Variants in ZSWIM6 observed in about 807,000 individuals in gnomAD.
ZSWIM6 encodes zinc finger SWIM domain-containing protein 6.
ZSWIM6 carries 9 observed loss-of-function variants against 113.2 expected under a neutral mutation model. The observed-to-expected ratio is 0.08, with a 90% CI of 0.05 to 0.14. ZSWIM6 has a LOEUF of 0.14. Ranked by LOEUF, ZSWIM6 falls within the 10% of genes least tolerant of loss-of-function variation. ZSWIM6 has a pLI of 1.00. For missense variants in ZSWIM6, 1,162 were observed against 1,552.2 expected, an observed-to-expected ratio of 0.75 and a Z score of 4.22; for synonymous variants, 611 against 606.5, an observed-to-expected ratio of 1.01 and a Z score of -0.11.
At chr5:61,503,868 T>C (rs916398329) in intron 4 of ZSWIM6, among the ~76,000 whole-genome samples, 9 of 152,208 alleles carry the variant, frequency 5.9e-5, no homozygotes, top group African/African-American at 2.2e-4. Context: ...TATTGGCAAA[T>C]TTAAACTAAT....
At chr5:61,373,147 A>G (rs1211128915) in intron 1 of ZSWIM6, among the ~76,000 whole-genome samples, 1 of 152,092 alleles carries the variant, frequency 6.6e-6, no homozygotes, top group African/African-American at 2.4e-5. Flanking sequence ...GGGTCTTAGT[A>G]TGTTGCCCAG....
intron 1 of ZSWIM6, among the ~76,000 whole-genome samples, chr5:61,456,471 A>T (rs1436439796): frequency 6.6e-6 from 1 of 152,206 alleles, no homozygotes; most frequent in Non-Finnish European, 1.5e-5. Context: ...AAAAGAAAAC[A>T]AAAACCTTAT....
rs1337201046 is a variant in ZSWIM6 at position 61,543,999 on chromosome 5, A to G, written c.3330A>G (p.Arg1110=). The change falls in exon 14 of 14, where the codon AGA becomes AGG. Residue 1110 remains arginine, a synonymous_variant. Coordinates refer to ENST00000252744, the MANE Select transcript of ZSWIM6 (RefSeq NM_020928.2). The surrounding 1 kb of genome is among the most constrained non-coding windows in gnomAD (Gnocchi z 4.3). ...CGGTACTGTCAGACATTTTGCGCAG[A>G]TGCACTCTGACCACTCCTGGCATGG... ...CATVLSDILR[R]CTLTTPGMVG... is the part of the protein sequence containing the mutation. The G allele has an allele frequency of 7.7e-6, 12 of 1,551,906 alleles. No homozygotes were observed. The highest frequency in any genetic ancestry group is 1.0e-5 in the Non-Finnish European group (12 of 1,147,036).
chr5:61,522,802 A>G (rs957690066), intron 5 of ZSWIM6, among the ~76,000 whole-genome samples: 30 of 152,258 alleles, frequency 2.0e-4, no homozygotes, highest in Admixed American at 1.6e-3. Context: ...GGGTATGCCT[A>G]CATCTACATA....
chr5:61,412,755 G>A (rs185483126), intron 1 of ZSWIM6, among the ~76,000 whole-genome samples: 48 of 152,148 alleles, frequency 3.2e-4, no homozygotes, highest in Non-Finnish European at 6.2e-4. Context: ...AATTTAAAAT[G>A]GTTTATTGTG....
chr5:61,398,866 G>A lies in ZSWIM6; in HGVS notation c.676+65918G>A, dbSNP rs79186589. Among the ~76,000 whole-genome samples the A allele has an allele frequency of 6.5e-3, 977 of 151,148 alleles. 8 individuals are homozygous for A. The highest frequency in any genetic ancestry group is 0.02 in the African/African-American group (814 of 41,096). On this transcript the variant is annotated intron_variant, in intron 1 of 13. Coordinates refer to ENST00000252744, the MANE Select transcript of ZSWIM6 (RefSeq NM_020928.2). ...GGAAGGATGACCTTGAGCTTATGGC[G>A]GAATGGTAGGGCAGGGGGCTGAAGG... is the stretch of plus-strand genomic sequence containing the variant.
intron 1 of ZSWIM6, among the ~76,000 whole-genome samples, chr5:61,456,882 T>C (rs1231821373): frequency 1.4e-5 from 2 of 146,224 alleles, no homozygotes; most frequent in African/African-American, 2.6e-5. Context: ...TTAAACCTTA[T>C]CCAATTTCTT....
At chr5:61,362,521 T>C (rs1284730964) in intron 1 of ZSWIM6, among the ~76,000 whole-genome samples, 1 of 152,126 alleles carries the variant, frequency 6.6e-6, no homozygotes, top group Non-Finnish European at 1.5e-5. Context: ...TTACAGGTTT[T>C]CCCTGCAGTA....
intron 1 of ZSWIM6, among the ~76,000 whole-genome samples, chr5:61,350,958 ATTC>A (rs1269460926): frequency 1.3e-5 from 2 of 152,212 alleles, no homozygotes; most frequent in Admixed American, 6.5e-5. Flanking sequence ...TCCTTCATTT[ATTC>A]TTCTAGTTTT....
intron 4 of ZSWIM6, among the ~76,000 whole-genome samples, chr5:61,499,413 T>C (rs1748403261): frequency 6.6e-6 from 1 of 152,112 alleles, no homozygotes; most frequent in African/African-American, 2.4e-5. Flanking sequence ...ACAGATGTAT[T>C]AGATATTTGA....
At chr5:61,538,334 G>T (rs148484785) in intron 10 of ZSWIM6, among the ~76,000 whole-genome samples, 573 of 152,236 alleles carry the variant, frequency 3.8e-3, no homozygotes, top group Middle Eastern at 0.024. Flanking sequence ...CTTGTTTTAT[G>T]TTTAAATAGG....
intron 1 of ZSWIM6, among the ~76,000 whole-genome samples, chr5:61,343,937 A>G (rs1307463229): frequency 6.9e-6 from 1 of 145,898 alleles, no homozygotes; most frequent in East Asian, 2.0e-4. Flanking sequence ...CCCAGGCTGG[A>G]GTGCAGTGGT....
At chr5:61,413,576 T>C (rs1045620613) in intron 1 of ZSWIM6, among the ~76,000 whole-genome samples, 1 of 152,162 alleles carries the variant, frequency 6.6e-6, no homozygotes, top group Admixed American at 6.5e-5. Flanking sequence ...TTTCTAGTTC[T>C]AGATCCCTGA....
chr5:61,456,824 C>G (rs1747213670), intron 1 of ZSWIM6, among the ~76,000 whole-genome samples: 1 of 151,532 alleles, frequency 6.6e-6, no homozygotes, highest in East Asian at 1.9e-4. Flanking sequence ...TTTTACAGTA[C>G]TAACATTTAT....
intron 1 of ZSWIM6, among the ~76,000 whole-genome samples, chr5:61,469,551 G>A (rs1032253564): frequency 1.3e-5 from 2 of 152,208 alleles, no homozygotes; most frequent in Admixed American, 6.5e-5. Flanking sequence ...TAACAAAACT[G>A]TATAATATGT....
intron 1 of ZSWIM6, among the ~76,000 whole-genome samples, chr5:61,464,363 T>A (rs1338608655): frequency 6.6e-6 from 1 of 151,494 alleles, no homozygotes; most frequent in Non-Finnish European, 1.5e-5. Context: ...AGTAGAAAGG[T>A]TTTATTTGTG....
chr5:61,398,928 T>G (rs1226999605), intron 1 of ZSWIM6, among the ~76,000 whole-genome samples: 1 of 139,570 alleles, frequency 7.2e-6, no homozygotes, highest in South Asian at 2.4e-4. Flanking sequence ...TTTTTTTTTT[T>G]TTTTTTTTTT....
chr5:61,433,558 C>T (rs1311632723), intron 1 of ZSWIM6, among the ~76,000 whole-genome samples: 4 of 151,772 alleles, frequency 2.6e-5, no homozygotes, highest in Admixed American at 6.6e-5. Flanking sequence ...CCGCAACCTC[C>T]GCCTCCTGGG....
intron 1 of ZSWIM6, among the ~76,000 whole-genome samples, chr5:61,417,728 C>T (rs1474443352): frequency 6.6e-6 from 1 of 152,128 alleles, no homozygotes; most frequent in Non-Finnish European, 1.5e-5. Flanking sequence ...ATACTATAAG[C>T]GAATGCATGT....
Sources: allele counts gnomAD v4.1 joint callset (sites outside exome capture counted in the v4.1 genomes callset), GRCh38; gene constraint gnomAD v4.1.1; non-coding constraint Gnocchi (gnomAD v3.1); transcripts MANE v1.5; gene names NCBI Gene and HGNC (gene_info 2026-07-23, HGNC 2026-07-21).